The following FSTL4 variants were observed in gnomAD, a reference collection of about 807,000 sequenced individuals.
FSTL4 encodes follistatin like 4.
Under a neutral mutation model 78.2 loss-of-function variants are expected in FSTL4, and 28 were observed. That is an observed-to-expected ratio of 0.36 (90% CI 0.27 to 0.49). The LOEUF (loss-of-function observed/expected upper bound fraction) is 0.49, where lower values mean the gene tolerates loss of function less well. Ranked by LOEUF, FSTL4 falls within the 20% of genes least tolerant of loss-of-function variation. The probability of loss-of-function intolerance (pLI) is 0.98; values close to 1 mark genes in which losing one functional copy is unlikely to be tolerated. For synonymous variants in FSTL4, 422 were observed against 440.5 expected, an observed-to-expected ratio of 0.96 and a Z score of 0.53; for missense variants, 922 against 1,084.9, an observed-to-expected ratio of 0.85 and a Z score of 2.11.
chr5:133,199,223 AC>A lies in FSTL4; in HGVS notation c.2400del (p.Phe801LeufsTer30). The A allele has an allele frequency of 6.2e-7, 1 of 1,613,438 alleles. No homozygotes were observed. Among genetic ancestry groups the A allele is most frequent in the South Asian group, 1.1e-5 (1 of 91,064 alleles). On this transcript the variant is annotated frameshift_variant, in exon 16 of 16. Coordinates refer to ENST00000265342, the MANE Select transcript of FSTL4 (RefSeq NM_015082.2). LOFTEE classifies it low-confidence loss of function (END_TRUNC). The surrounding 1 kb of genome is among the most constrained non-coding windows in gnomAD (Gnocchi z 4.4). ...GTHRIMRDSGLFGQYLLTPAR... is the reference protein window; with the variant it reads ...GTHRIMRDSGXFGQYLLTPAR... ...GCTGGTGTGAGGAGGTACTGTCCAAACAGCCCACTGTCCCTCATGATTCTGT... is the reference window on the plus strand; with the variant it reads ...GCTGGTGTGAGGAGGTACTGTCCAAAAGCCCACTGTCCCTCATGATTCTGT...
At chr5:133,597,060 T>C (rs415839) in intron 2 of FSTL4, among the ~76,000 whole-genome samples, 17,473 of 152,000 alleles carry the variant, frequency 0.11, 1,200 homozygotes, top group African/African-American at 0.19. Flanking sequence ...ACCACAGTGT[T>C]CTCGGTGTCG....
chr5:133,220,232 G>T (rs1237639276), intron 12 of FSTL4, among the ~76,000 whole-genome samples: 1 of 152,260 alleles, frequency 6.6e-6, no homozygotes, highest in Non-Finnish European at 1.5e-5. Context: ...GGAGCGCAGG[G>T]TATCCTGCAA....
the FSTL4 span, among the ~76,000 whole-genome samples, chr5:133,739,109 AG>A: frequency 6.6e-6 from 1 of 152,044 alleles, no homozygotes; most frequent in East Asian, 1.9e-4. Flanking sequence ...CTGCCTACAA[AG>A]CACCTATGAT....
At chr5:133,345,039 A>G (rs1191432440) in intron 4 of FSTL4, among the ~76,000 whole-genome samples, 3 of 138,308 alleles carry the variant, frequency 2.2e-5, no homozygotes, top group Non-Finnish European at 4.6e-5. Context: ...AACGATCTCC[A>G]CTCACTGCAA....
At chr5:133,712,281 G>A in the FSTL4 span, among the ~76,000 whole-genome samples, 1 of 152,252 alleles carries the variant, frequency 6.6e-6, no homozygotes, top group African/African-American at 2.4e-5. Context: ...AAAATCAATG[G>A]CATCGTCCAG....
the FSTL4 span, among the ~76,000 whole-genome samples, chr5:133,680,301 C>T: frequency 3.3e-5 from 5 of 152,180 alleles, no homozygotes; most frequent in African/African-American, 7.2e-5. Flanking sequence ...CACCATCCTC[C>T]GCACTCTATA....
At chr5:133,590,369 G>C (rs1760598352) in intron 2 of FSTL4, among the ~76,000 whole-genome samples, 1 of 152,150 alleles carries the variant, frequency 6.6e-6, no homozygotes, top group African/African-American at 2.4e-5. Flanking sequence ...ATAAGACTTT[G>C]TATCTAGCTG....
the FSTL4 span, among the ~76,000 whole-genome samples, chr5:133,818,164 C>T: frequency 0.11 from 17,377 of 152,270 alleles, 1,474 homozygotes; most frequent in African/African-American, 0.23. Flanking sequence ...CATCTTACCT[C>T]ATCACAGCCC....
In FSTL4 at chr5:133,332,857, A is replaced by G. The variant is rs564824664; in HGVS notation, c.410-16205T>C. ...CACGAATGGTGCTCTGTGTTTGGTGAGGATAACACTCTGGTAAGAGTTTCA... is the reference window on the plus strand; with the variant it reads ...CACGAATGGTGCTCTGTGTTTGGTGGGGATAACACTCTGGTAAGAGTTTCA... On this transcript the variant is annotated intron_variant, in intron 4 of 15. Transcript: ENST00000265342. Among the ~76,000 whole-genome samples the G allele has an allele frequency of 1.2e-3, 176 of 152,288 alleles. 1 individual carries two copies. Among genetic ancestry groups the G allele is most frequent in the African/African-American group, 3.8e-3 (158 of 41,568 alleles).
At chr5:133,840,494 CA>C in the FSTL4 span, among the ~76,000 whole-genome samples, 1 of 152,242 alleles carries the variant, frequency 6.6e-6, no homozygotes, top group Non-Finnish European at 1.5e-5. Flanking sequence ...TGAACCATCA[CA>C]GGGTCCTGGA....
At chr5:133,683,236 G>T in the FSTL4 span, among the ~76,000 whole-genome samples, 1 of 152,190 alleles carries the variant, frequency 6.6e-6, no homozygotes, top group African/African-American at 2.4e-5. Flanking sequence ...TATGCAGGGA[G>T]GGCACCAGTG....
intron 6 of FSTL4, among the ~76,000 whole-genome samples, chr5:133,297,561 A>T (rs1220439840): frequency 1.3e-5 from 2 of 152,184 alleles, no homozygotes; most frequent in African/African-American, 4.8e-5. Flanking sequence ...ATTGAATGTC[A>T]CTAAATGAGA....
chr5:133,531,109 G>A (rs115132315), intron 3 of FSTL4, among the ~76,000 whole-genome samples: 3 of 152,190 alleles, frequency 2.0e-5, no homozygotes, highest in Admixed American at 6.5e-5. Flanking sequence ...TCAGACACAC[G>A]GACTGACCCC....
chr5:133,557,488 C>T (rs955318471), intron 3 of FSTL4, among the ~76,000 whole-genome samples: 7 of 152,260 alleles, frequency 4.6e-5, no homozygotes, highest in Non-Finnish European at 8.8e-5. Flanking sequence ...ACTCTCACTT[C>T]ATGATATCCT....
At chr5:133,548,942 T>G (rs928086957) in intron 3 of FSTL4, among the ~76,000 whole-genome samples, 8 of 152,202 alleles carry the variant, frequency 5.3e-5, no homozygotes, top group Non-Finnish European at 1.2e-4. Context: ...TTAAAGATAT[T>G]CCAATGCTTT....
At chr5:133,427,524 C>T in intron 3 of FSTL4, 1 of 462,030 alleles carries the variant, frequency 2.2e-6, no homozygotes, top group Admixed American at 2.0e-5. Flanking sequence ...GAGTTCTACA[C>T]AACACAGGCG....
chr5:133,805,631 A>T, the FSTL4 span, among the ~76,000 whole-genome samples: 1 of 152,230 alleles, frequency 6.6e-6, no homozygotes, highest in Non-Finnish European at 1.5e-5. Context: ...TGCTGAAATT[A>T]GCACATGTGG....
the FSTL4 span, among the ~76,000 whole-genome samples, chr5:133,739,055 C>T: frequency 1.3e-5 from 2 of 152,064 alleles, no homozygotes; most frequent in Non-Finnish European, 2.9e-5. Context: ...AGCAGCTGTG[C>T]CCCTCAGAGC....
At chr5:133,218,932 G>A (rs975865174) in intron 12 of FSTL4, among the ~76,000 whole-genome samples, 4 of 152,214 alleles carry the variant, frequency 2.6e-5, no homozygotes, top group African/African-American at 9.7e-5. Flanking sequence ...TTAGCACCTA[G>A]TACAGTGCCT....
Sources: allele counts gnomAD v4.1 joint callset (sites outside exome capture counted in the v4.1 genomes callset), GRCh38; gene constraint gnomAD v4.1.1; non-coding constraint Gnocchi (gnomAD v3.1); transcripts MANE v1.5; gene names NCBI Gene and HGNC (gene_info 2026-07-23, HGNC 2026-07-21).